Variants in MFAP5 observed in about 807,000 individuals in gnomAD.
MFAP5 encodes the protein microfibril associated protein 5, also known as microfibrillar-associated protein 5.
A neutral mutation model predicts 30.1 loss-of-function variants in MFAP5; 19 were observed. That is an observed-to-expected ratio of 0.63 (90% confidence interval 0.44 to 0.93). The LOEUF (loss-of-function observed/expected upper bound fraction) is 0.93. Ranked by LOEUF, MFAP5 falls within the 40% of genes least tolerant of loss-of-function variation. The pLI, the probability that MFAP5 is intolerant of heterozygous loss-of-function variation, is 0.00. For missense variants in MFAP5, 210 were observed against 221.3 expected, an observed-to-expected ratio of 0.95 and a Z score of 0.32; for synonymous variants, 92 against 72.9, an observed-to-expected ratio of 1.26 and a Z score of -1.33.
At chr12:8,655,228 A>G (rs1313045297) in intron 5 of MFAP5, among the ~76,000 whole-genome samples, 187 bp downstream of exon 5, 1 of 151,820 alleles carries the variant, frequency 6.6e-6, no homozygotes, top group Non-Finnish European at 1.5e-5. Context: ...AGGGGTTGCC[A>G]TGAACCAAAA....
At chr12:8,657,923 T>G (rs368570099) in intron 3 of MFAP5, among the ~76,000 whole-genome samples, 4 of 152,208 alleles carry the variant, frequency 2.6e-5, no homozygotes, top group East Asian at 3.8e-4. Flanking sequence ...AATGTAAATC[T>G]GATGGGAACA....
intron 3 of MFAP5, among the ~76,000 whole-genome samples, chr12:8,659,508 C>A (rs1378183991): frequency 6.6e-6 from 1 of 152,040 alleles, no homozygotes; most frequent in Admixed American, 6.6e-5. Flanking sequence ...AGGACTGGTT[C>A]CTAATCAGCC....
At position 8,656,625 on chromosome 12, in the gene MFAP5, T is replaced by TACACAC. The variant is rs1223209541; in HGVS notation, c.95-801_95-796dup. 2.6e-3 allele frequency among the ~76,000 whole-genome samples: 321 copies of TACACAC among 121,214 alleles called. 3 individuals are homozygous for TACACAC. Among genetic ancestry groups the TACACAC allele is most frequent in the African/African-American group, 5.4e-3 (147 of 27,294 alleles). The allele number at this position is 121,214 out of a possible 152,430, so 79.5% of individuals were successfully genotyped here. ...ACACACACACATATATATACACACA[T>TACACAC]ACACACACACACACACACACACACA... On this transcript the variant is annotated intron_variant, in intron 3 of 9. Transcript: ENST00000359478.
chr12:8,653,429 T>G (rs1044820823), intron 6 of MFAP5, among the ~76,000 whole-genome samples: 1 of 152,120 alleles, frequency 6.6e-6, no homozygotes, highest in African/African-American at 2.4e-5. Flanking sequence ...AAGTGGGGTG[T>G]GATCCTTCCA....
intron 8 of MFAP5, 76 bp from the exon 9 acceptor site, chr12:8,649,650 G>A: frequency 8.7e-7 from 1 of 1,146,538 alleles, no homozygotes; most frequent in Non-Finnish European, 1.3e-6. Context: ...CTGGGTCTGG[G>A]ATGCCTCTTC....
intron 8 of MFAP5, 155 bp downstream of exon 8, chr12:8,650,347 T>G (rs1399591670): frequency 3.0e-6 from 2 of 662,112 alleles, no homozygotes; most frequent in Non-Finnish European, 5.4e-6. Context: ...ATACTCCAGG[T>G]TCTAGTTGGT....
intron 3 of MFAP5, among the ~76,000 whole-genome samples, chr12:8,659,576 C>A (rs1381615066): frequency 6.6e-6 from 1 of 152,150 alleles, no homozygotes; most frequent in Non-Finnish European, 1.5e-5. Context: ...GGAGGCCTTT[C>A]CCCTAGTCTG....
In MFAP5 at chr12:8,647,737, C is replaced by A. The variant is rs899584705; in HGVS notation, c.*354G>T. 3.9e-5 allele frequency: 6 copies of A among 154,264 alleles called. No individual in the cohort carries two copies. The highest frequency in any genetic ancestry group is 1.4e-4 in the African/African-American group (6 of 41,518). 9.6% of individuals were successfully genotyped at this position (154,264 alleles called of 1,614,324 possible). ...AAGATAGCTTCTTCAACCCTAAGAT[C>A]TATATCAGACAGATTCAATAGTAAA... is the stretch of plus-strand genomic sequence containing the variant. On this transcript the variant is annotated 3_prime_UTR_variant, in exon 10 of 10. Coordinates refer to ENST00000359478, the MANE Select transcript of MFAP5 (RefSeq NM_003480.4).
chr12:8,648,212 G>C lies in MFAP5; in HGVS notation c.410-9C>G. ...CTGACGGCAAAGCTCATCTAGAAGA[G>C]AAGCAGAACATCATGGGAAGAGAAT... On this transcript the variant is annotated splice_polypyrimidine_tract_variant and intron_variant, in intron 9 of 9. Coordinates refer to ENST00000359478, the MANE Select transcript of MFAP5 (RefSeq NM_003480.4). 6.3e-7 allele frequency: 1 copy of C among 1,598,822 alleles called. No homozygotes were observed. The highest frequency in any genetic ancestry group is 8.6e-7 in the Non-Finnish European group (1 of 1,166,264).
intron 3 of MFAP5, among the ~76,000 whole-genome samples, chr12:8,659,289 CAA>C (rs1405291690): frequency 2.7e-5 from 4 of 148,442 alleles, no homozygotes; most frequent in Admixed American, 6.8e-5. Context: ...GCCTGGGTAA[CAA>C]GAGCGAAACT....
At chr12:8,651,925 G>C (rs748158896) in intron 6 of MFAP5, among the ~76,000 whole-genome samples, 2 of 152,240 alleles carry the variant, frequency 1.3e-5, no homozygotes, top group South Asian at 4.1e-4. Flanking sequence ...CCTTTCTAAA[G>C]AGTTGAGAAA....
At position 8,655,395 on chromosome 12, in the gene MFAP5, T is replaced by G; in HGVS notation, c.172+20A>C. ...TAACAAGAACCATGCCATTTTTTTT[T>G]TAACTGCGGTAAAATTTACCTGTTT... On this transcript the variant is annotated intron_variant, in intron 5 of 9. Coordinates refer to ENST00000359478, the MANE Select transcript of MFAP5 (RefSeq NM_003480.4). 6.3e-7 allele frequency: 1 copy of G among 1,582,698 alleles called. No homozygotes were observed. Among genetic ancestry groups the G allele is most frequent in the South Asian group, 1.2e-5 (1 of 86,572 alleles).
rs140289575 is a variant in MFAP5, at chr12:8,659,731, T to G, written c.94+1132A>C. On this transcript the variant is annotated intron_variant, in intron 3 of 9. Coordinates refer to ENST00000359478, the MANE Select transcript of MFAP5 (RefSeq NM_003480.4). ...AGGACCCACTGCAAGAAAAATATAC[T>G]GTACCCTGGTATATACATATGGAAA... Among the ~76,000 whole-genome samples the G allele has an allele frequency of 3.2e-3, 480 of 152,338 alleles. 1 individual carries two copies. The highest frequency in any genetic ancestry group is 6.8e-3 in the Middle Eastern group (2 of 294).
chr12:8,648,294 G>T, intron 9 of MFAP5, 91 bp from the exon 10 acceptor site: 1 of 1,106,924 alleles, frequency 9.0e-7, no homozygotes, highest in Non-Finnish European at 1.3e-6. Context: ...TCAGTGTGGT[G>T]TAGTGAAAAG....
At chr12:8,654,685 C>T (rs1393393078) in intron 5 of MFAP5, among the ~76,000 whole-genome samples, 1 of 152,120 alleles carries the variant, frequency 6.6e-6, no homozygotes, top group Non-Finnish European at 1.5e-5. Flanking sequence ...GTGGCTCGCA[C>T]CTGTAATCTC....
chr12:8,654,014 C>T (rs34817631), intron 6 of MFAP5, among the ~76,000 whole-genome samples: 14,127 of 151,694 alleles, frequency 0.093, 691 homozygotes, highest in African/African-American at 0.12. Context: ...TAATTCCAGC[C>T]ACTTGGGAGG....
In MFAP5 at chr12:8,649,569, C is replaced by T. The variant is rs774489509; in HGVS notation, c.341G>A (p.Arg114Gln). ...CTCCTTGTTGACGATGTACATACGT[C>T]GTAAACTGCAGACGTCCCAGTGTCA... Reference protein sequence around the residue: ...CIHQLCFTSLRRMYIVNKEIC... With the variant: ...CIHQLCFTSLQRMYIVNKEIC... Residue 114 changes from arginine to glutamine, a missense_variant, in exon 9 of 10, where the codon CGA becomes CAA. Physicochemically the swap from Arg to Gln is conservative, Grantham distance 43 (BLOSUM62 1). Coordinates refer to ENST00000359478, the MANE Select transcript of MFAP5 (RefSeq NM_003480.4). The T allele has an allele frequency of 1.3e-4, 213 of 1,613,702 alleles. 2 individuals carry two copies. Among genetic ancestry groups the T allele is most frequent in the Admixed American group, 3.8e-4 (23 of 59,996 alleles).
chr12:8,660,951 TA>T lies in MFAP5; in HGVS notation c.59-54del. 8 of 1,468,082 alleles carry T rather than the reference TA, an allele frequency of 5.4e-6. No individual in the cohort carries two copies. In the South Asian group the frequency reaches 9.4e-5, roughly 17 times the overall value. The allele number at this position is 1,468,082 out of a possible 1,614,324, so 90.9% of individuals were successfully genotyped here. A position where few individuals can be genotyped will look rare whatever the true frequency, so the allele number is the denominator to read the frequency against. ...TGAGTGACTGCAGCTCTATACCTCGTAACCCTTTTATGAGACAAATCAGAAA... is the reference window on the plus strand; with the variant it reads ...TGAGTGACTGCAGCTCTATACCTCGTACCCTTTTATGAGACAAATCAGAAA... On this transcript the variant is annotated intron_variant, in intron 2 of 9. Coordinates refer to ENST00000359478, the MANE Select transcript of MFAP5 (RefSeq NM_003480.4).
chr12:8,655,734 A>G, intron 4 of MFAP5, 52 bp downstream of exon 4: 14 of 1,568,762 alleles, frequency 8.9e-6, no homozygotes, highest in Non-Finnish European at 1.2e-5. Context: ...ATGATCCTTT[A>G]TCTATCCCCA....
Sources: gnomAD v4.1 joint callset for allele counts (sites outside exome capture counted in the v4.1 genomes callset) on GRCh38, gnomAD v4.1.1 for gene constraint, MANE v1.5 for transcripts, NCBI Gene and HGNC (gene_info 2026-07-23, HGNC 2026-07-21) for gene names.